Variants in ABI1 observed in about 807,000 individuals in gnomAD.
The protein encoded by ABI1 is Abelson interactor 1.
Under a neutral mutation model 54.6 loss-of-function variants are expected in ABI1, and 14 were observed. The observed-to-expected ratio is 0.26, with a 90% CI of 0.17 to 0.40. The LOEUF (loss-of-function observed/expected upper bound fraction) is 0.40, where lower values mean the gene tolerates loss of function less well. ABI1 is among the 10% of genes least tolerant of loss of function. ABI1 has a pLI of 1.00. For missense variants in ABI1, 443 were observed against 598.3 expected (o/e 0.74, Z 2.71); for synonymous variants, 194 against 209.3 (o/e 0.93, Z 0.63).
intron 9 of ABI1, 146 bp downstream of exon 9, chr10:26,755,505 ACCGT>A: frequency 3.5e-6 from 2 of 573,300 alleles, no homozygotes; most frequent in Non-Finnish European, 6.0e-6. Context: ...AAAACTGAAG[ACCGT>A]GCTCTTCAGT....
At chr10:26,838,281 C>T (rs2049237380) in intron 1 of ABI1, among the ~76,000 whole-genome samples, 1 of 152,098 alleles carries the variant, frequency 6.6e-6, no homozygotes, top group Non-Finnish European at 1.5e-5. Context: ...CTCAGCCTCC[C>T]GAAGTGCTGG....
intron 1 of ABI1, among the ~76,000 whole-genome samples, chr10:26,830,955 G>A (rs375568512): frequency 6.6e-6 from 1 of 152,036 alleles, no homozygotes; most frequent in African/African-American, 2.4e-5. Flanking sequence ...GGAATGCAGT[G>A]GCACGATCAT....
chr10:26,770,276 T>A lies in ABI1; in HGVS notation c.547A>T (p.Ser183Cys). ...GTTCCCCGGCCTGACATGGGAGGACTTGGCGGTTTCTGAGTAGGAGGATTT... is the reference window on the plus strand; with the variant it reads ...GTTCCCCGGCCTGACATGGGAGGACATGGCGGTTTCTGAGTAGGAGGATTT... ...RTNPPTQKPP[S>C]PPMSGRGTLG... The change falls in exon 5 of 11, where the codon AGT (serine) becomes TGT (cysteine). Residue 183 changes from serine to cysteine, a missense_variant. This residue lies in a region of ABI1 where 394 missense variants were observed against 484.8 expected (regional missense o/e 0.81). Coordinates refer to ENST00000376140, the MANE Select transcript of ABI1 (RefSeq NM_001012750.3). 6 of 1,614,106 alleles carry A rather than the reference T, an allele frequency of 3.7e-6. No homozygotes were observed. Among genetic ancestry groups the A allele is most frequent in the Non-Finnish European group, 5.1e-6 (6 of 1,179,944 alleles).
chr10:26,830,644 A>AAACT (rs920319110), intron 1 of ABI1, among the ~76,000 whole-genome samples: 11 of 151,718 alleles, frequency 7.3e-5, no homozygotes, highest in Non-Finnish European at 1.6e-4. Context: ...AAAAAAAACA[A>AAACT]AACTACCAAA....
At chr10:26,829,586 TTA>T (rs1371098141) in intron 1 of ABI1, among the ~76,000 whole-genome samples, 18 of 152,306 alleles carry the variant, frequency 1.2e-4, no homozygotes, top group African/African-American at 4.1e-4. Context: ...TACACAATTT[TTA>T]TATGTCAATT....
At chr10:26,784,385 T>C (rs542514169) in intron 2 of ABI1, among the ~76,000 whole-genome samples, 6 of 152,316 alleles carry the variant, frequency 3.9e-5, no homozygotes, top group Non-Finnish European at 8.8e-5. Flanking sequence ...ACAGGACAGA[T>C]TGGACTGACT....
At position 26,746,649 on chromosome 10, in the gene ABI1, AAATGT is replaced by A. The variant is rs1836950690; in HGVS notation, c.*1916_*1920del. 3.2e-6 allele frequency: 2 copies of A among 628,750 alleles called. No homozygotes were observed. Among genetic ancestry groups the A allele is most frequent in the South Asian group, 1.9e-5 (1 of 53,232 alleles). The allele number at this position is 628,750 out of a possible 1,614,324, so 38.9% of individuals were successfully genotyped here. On this transcript the variant is annotated 3_prime_UTR_variant, in exon 11 of 11. Transcript: ENST00000376140. ...CAAAAGTTTTTTCAGAAAACTTTTT[AAATGT>A]AATTAATAAACCACCTGAATCTGTC...
At chr10:26,824,511 C>G (rs1188385696) in intron 1 of ABI1, among the ~76,000 whole-genome samples, 1 of 151,958 alleles carries the variant, frequency 6.6e-6, no homozygotes. Flanking sequence ...GCTATAATAT[C>G]TCCACACAAT....
chr10:26,818,158 CAAAAAAAAAAAAAAAAA>C (rs397696005), intron 2 of ABI1, among the ~76,000 whole-genome samples: 81 of 45,434 alleles, frequency 1.8e-3, no homozygotes, highest in South Asian at 6.9e-3. Flanking sequence ...GACTCCATCT[CAAAAAAAAAAAAAAAAA>C]AAAAAAAAAA....
intron 1 of ABI1, among the ~76,000 whole-genome samples, chr10:26,835,908 T>C (rs10829082): frequency 0.26 from 39,621 of 151,098 alleles, 5,977 homozygotes; most frequent in South Asian, 0.44. Context: ...TGCCACCATG[T>C]CTGGCTAACT....
intron 8 of ABI1, among the ~76,000 whole-genome samples, chr10:26,757,129 G>A (rs1040792028): frequency 2.0e-5 from 3 of 152,092 alleles, no homozygotes; most frequent in Non-Finnish European, 1.5e-5. Context: ...GAAAAGCTAT[G>A]CTGTGAAGAT....
intron 1 of ABI1, among the ~76,000 whole-genome samples, chr10:26,824,010 A>G (rs927426581): frequency 6.6e-6 from 1 of 152,176 alleles, no homozygotes; most frequent in Admixed American, 6.6e-5. Flanking sequence ...CTTCAGGAAA[A>G]TCATTTATTT....
intron 2 of ABI1, among the ~76,000 whole-genome samples, chr10:26,786,621 T>C (rs1044356997): frequency 6.6e-6 from 1 of 152,184 alleles, no homozygotes; most frequent in Non-Finnish European, 1.5e-5. Flanking sequence ...GAGGAATCCC[T>C]AACTCCATAG....
At chr10:26,833,769 T>TACACACACACACACACAC (rs61653104) in intron 1 of ABI1, among the ~76,000 whole-genome samples, 574 of 150,292 alleles carry the variant, frequency 3.8e-3, no homozygotes, top group Non-Finnish European at 5.5e-3. Flanking sequence ...ACAATATTTA[T>TACACACACACACACACAC]ACACACACAC....
intron 1 of ABI1, among the ~76,000 whole-genome samples, chr10:26,831,295 C>T (rs1056767380): frequency 1.1e-4 from 17 of 151,800 alleles, no homozygotes; most frequent in Admixed American, 6.6e-5. Flanking sequence ...GTAATCCCAG[C>T]AGTTTGGGAG....
rs1026985448 is a variant in ABI1 at position 26,806,568 on chromosome 10, G to A, written c.285+16570C>T. 7.2e-5 allele frequency among the ~76,000 whole-genome samples: 11 copies of A among 152,156 alleles called. No individual in the cohort carries two copies. The East Asian group carries it at 7.7e-4, about 11-fold the overall frequency. ...CCATGGCCTGAAACCCTTGCATAAC[G>A]TTCTTAAACTCAGTAATTCCTGTGG... is the stretch of plus-strand genomic sequence containing the variant. On this transcript the variant is annotated intron_variant, in intron 2 of 10. Transcript: ENST00000376140.
At chr10:26,823,749 T>C (rs1466480455) in intron 1 of ABI1, among the ~76,000 whole-genome samples, 1 of 152,224 alleles carries the variant, frequency 6.6e-6, no homozygotes, top group African/African-American at 2.4e-5. Context: ...TTATCTATGA[T>C]GATTCAAGCC....
At chr10:26,856,878 G>A (rs1476434762) in intron 1 of ABI1, among the ~76,000 whole-genome samples, 5 of 152,224 alleles carry the variant, frequency 3.3e-5, no homozygotes, top group African/African-American at 1.2e-4. Context: ...AACAAAGGCA[G>A]TATGAACTAA....
chr10:26,825,588 G>A (rs1564546888), intron 1 of ABI1, among the ~76,000 whole-genome samples: 2 of 152,164 alleles, frequency 1.3e-5, no homozygotes, highest in Non-Finnish European at 2.9e-5. Flanking sequence ...TTGAGCCCAG[G>A]AGCCAGAGGT....
Sources: gnomAD v4.1 joint callset for allele counts (sites outside exome capture counted in the v4.1 genomes callset) on GRCh38, gnomAD v4.1.1 for gene constraint, gnomAD v4.1.1 regional missense constraint, MANE v1.5 for transcripts, NCBI Gene and HGNC (gene_info 2026-07-23, HGNC 2026-07-21) for gene names.